RALYL: variants seen among roughly 807,000 people sequenced by gnomAD.
RALYL encodes the protein RALY RNA binding protein like, also known as RNA-binding Raly-like protein.
RALYL carries 29 observed loss-of-function variants against 35.1 expected under a neutral mutation model. The observed-to-expected ratio is 0.83, with a 90% confidence interval of 0.61 to 1.13. The LOEUF is 1.13. RALYL is among the 50% of genes most tolerant of loss of function. RALYL has a pLI of 0.00. For synonymous variants in RALYL, 120 were observed against 127.6 expected (o/e 0.94, Z 0.40); for missense variants, 359 against 360.4 (o/e 1.00, Z 0.03).
At chr8:84,699,352 T>C (rs1173023665) in intron 2 of RALYL, among the ~76,000 whole-genome samples, 2 of 152,116 alleles carry the variant, frequency 1.3e-5, no homozygotes, top group East Asian at 1.9e-4. Context: ...CACATCATGC[T>C]TGTCTAGTCC....
At chr8:84,780,792 A>G (rs1368284348) in intron 3 of RALYL, among the ~76,000 whole-genome samples, 1 of 152,358 alleles carries the variant, frequency 6.6e-6, no homozygotes, top group East Asian at 1.9e-4. Flanking sequence ...AGTTATCCTC[A>G]TCATTATGAT....
At chr8:84,811,404 C>A (rs1825878046) in intron 4 of RALYL, among the ~76,000 whole-genome samples, 1 of 152,090 alleles carries the variant, frequency 6.6e-6, no homozygotes, top group Non-Finnish European at 1.5e-5. Flanking sequence ...GATAGGTTTT[C>A]CTTTGTAGGT....
intron 2 of RALYL, among the ~76,000 whole-genome samples, chr8:84,641,101 C>T (rs1826207278): frequency 6.6e-6 from 1 of 151,196 alleles, no homozygotes; most frequent in Admixed American, 6.6e-5. Flanking sequence ...CATATAAACT[C>T]TTTTTTCATA....
At chr8:84,523,511 A>AT (rs1050565057) in intron 1 of RALYL, among the ~76,000 whole-genome samples, 4 of 150,122 alleles carry the variant, frequency 2.7e-5, no homozygotes, top group South Asian at 2.1e-4. Flanking sequence ...TTATTTTTTT[A>AT]TTTTTTTATT....
At chr8:84,499,030 G>A (rs1455866542) in intron 1 of RALYL, among the ~76,000 whole-genome samples, 2 of 151,764 alleles carry the variant, frequency 1.3e-5, no homozygotes, top group African/African-American at 4.8e-5. Context: ...AATACCCACT[G>A]GGGGAGCAGT....
At chr8:84,271,937 G>A (rs73304848) in intron 1 of RALYL, among the ~76,000 whole-genome samples, 1,847 of 152,150 alleles carry the variant, frequency 0.012, 50 homozygotes, top group African/African-American at 0.042. Context: ...TACTAAAATT[G>A]AATTGTGTGC....
chr8:84,537,186 C>T (rs77456085), intron 2 of RALYL, among the ~76,000 whole-genome samples: 6 of 148,228 alleles, frequency 4.0e-5, no homozygotes, highest in African/African-American at 1.5e-4. Flanking sequence ...ACTCTATTCA[C>T]GGGCCGGGCG....
At chr8:84,297,860 T>G (rs1300308611) in intron 1 of RALYL, among the ~76,000 whole-genome samples, 1 of 152,134 alleles carries the variant, frequency 6.6e-6, no homozygotes, top group African/African-American at 2.4e-5. Context: ...AAGAAGTGAC[T>G]GTTTATGCAC....
intron 1 of RALYL, among the ~76,000 whole-genome samples, chr8:84,206,511 G>A (rs1361297192): frequency 6.6e-6 from 1 of 152,184 alleles, no homozygotes; most frequent in African/African-American, 2.4e-5. Context: ...ATTAAGGACT[G>A]AATTAGTGCT....
chr8:84,686,732 T>C (rs1836884496), intron 2 of RALYL, among the ~76,000 whole-genome samples: 1 of 152,182 alleles, frequency 6.6e-6, no homozygotes, highest in African/African-American at 2.4e-5. Flanking sequence ...TTAAAAGTTT[T>C]ATCAAACATA....
chr8:84,217,435 A>C (rs1821094897), intron 1 of RALYL, among the ~76,000 whole-genome samples: 1 of 152,094 alleles, frequency 6.6e-6, no homozygotes, highest in Non-Finnish European at 1.5e-5. Flanking sequence ...ATTATTTTTC[A>C]TTTTGTATGT....
chr8:84,836,248 G>A (rs1831997180), intron 4 of RALYL, among the ~76,000 whole-genome samples: 1 of 152,072 alleles, frequency 6.6e-6, no homozygotes, highest in Non-Finnish European at 1.5e-5. Flanking sequence ...ATCAATTAAA[G>A]TAATCATCCT....
At chr8:84,878,236 T>C (rs529394741) in intron 7 of RALYL, among the ~76,000 whole-genome samples, 11 of 152,248 alleles carry the variant, frequency 7.2e-5, no homozygotes, top group African/African-American at 2.4e-4. Context: ...ATAAGGAAAC[T>C]TGAGAGCACT....
At chr8:84,662,302 C>A (rs966151619) in intron 2 of RALYL, among the ~76,000 whole-genome samples, 10 of 152,128 alleles carry the variant, frequency 6.6e-5, no homozygotes, top group African/African-American at 9.7e-5. Flanking sequence ...CTCTACCACA[C>A]ATTCACACTA....
intron 1 of RALYL, among the ~76,000 whole-genome samples, chr8:84,403,751 T>C (rs193268463): frequency 9.4e-4 from 143 of 152,144 alleles, no homozygotes; most frequent in African/African-American, 3.3e-3. Flanking sequence ...GGGAATATCA[T>C]TGAATCTATG....
At chr8:84,683,468 T>C (rs1836061742) in intron 2 of RALYL, among the ~76,000 whole-genome samples, 1 of 152,164 alleles carries the variant, frequency 6.6e-6, no homozygotes, top group African/African-American at 2.4e-5. Context: ...TATTATAGTG[T>C]AGCAGTCTAA....
Position 84,529,488 on chromosome 8 carries a change from G to T in RALYL, c.167G>T (p.Gly56Val). The T allele has an allele frequency of 3.7e-6, 6 of 1,613,788 alleles. No individual in the cohort carries two copies. Among genetic ancestry groups the T allele is most frequent in the Non-Finnish European group, 4.2e-6 (5 of 1,179,842 alleles). The change falls in exon 2 of 9, where the codon GGT (glycine) becomes GTT (valine). Residue 56 changes from glycine to valine, a missense_variant. Physicochemically the swap from Gly to Val is moderately radical, Grantham distance 109. Coordinates refer to ENST00000521268, the MANE Select transcript of RALYL (RefSeq NM_173848.7). ...GKIVGCSVHK[G>V]YAFVQYMSER... ...ATAGTTGGATGTTCCGTTCACAAAG[G>T]TTATGCATTTGTACAGTACATGAGT...
At chr8:84,672,432 C>T (rs1329389827) in intron 2 of RALYL, among the ~76,000 whole-genome samples, 1 of 152,178 alleles carries the variant, frequency 6.6e-6, no homozygotes, top group Non-Finnish European at 1.5e-5. Context: ...CCAACTGTTC[C>T]AACCTCTGCC....
intron 5 of RALYL, among the ~76,000 whole-genome samples, chr8:84,850,799 A>G (rs1379931448): frequency 6.6e-6 from 1 of 152,166 alleles, no homozygotes; most frequent in African/African-American, 2.4e-5. Flanking sequence ...CTAAGGTTGA[A>G]TTAGCTTTGA....
Sources: gnomAD v4.1 joint callset for allele counts (sites outside exome capture counted in the v4.1 genomes callset) on GRCh38, gnomAD v4.1.1 for gene constraint, MANE v1.5 for transcripts, NCBI Gene and HGNC (gene_info 2026-07-23, HGNC 2026-07-21) for gene names.